Variants in SDCCAG8 observed in about 807,000 individuals in gnomAD.
SDCCAG8 encodes the protein SHH signaling and ciliogenesis regulator SDCCAG8.
In SDCCAG8, 74 loss-of-function variants were observed where a neutral mutation model predicts 101.8. The ratio of observed to expected loss-of-function variants is 0.73; its 90% CI spans 0.60 to 0.88. SDCCAG8 has a LOEUF of 0.88. Among genes scored for constraint, SDCCAG8 ranks in the 40% least tolerant of loss-of-function variants. The pLI is 0.00. For synonymous variants in SDCCAG8, 281 were observed against 292.9 expected, an observed-to-expected ratio of 0.96 and a Z score of 0.41; for missense variants, 787 against 822.6, an observed-to-expected ratio of 0.96 and a Z score of 0.53.
chr1:243,347,675 C>T (rs958195505), intron 12 of SDCCAG8, among the ~76,000 whole-genome samples: 1 of 152,178 alleles, frequency 6.6e-6, no homozygotes, highest in African/African-American at 2.4e-5. Flanking sequence ...GGAGCTTCCT[C>T]GCATCCGAAA....
chr1:243,380,676 A>G (rs2077886001), intron 13 of SDCCAG8, among the ~76,000 whole-genome samples: 1 of 152,064 alleles, frequency 6.6e-6, no homozygotes, highest in African/African-American at 2.4e-5. Flanking sequence ...TTGGTTCCAT[A>G]GAAAGCTTTT....
At position 243,415,724 on chromosome 1, in the gene SDCCAG8, C is replaced by T; in HGVS notation, c.1639C>T (p.Gln547Ter). 2 of 1,613,806 alleles carry T rather than the reference C, an allele frequency of 1.2e-6. No homozygotes were observed. Among genetic ancestry groups the T allele is most frequent in the Non-Finnish European group, 1.7e-6 (2 of 1,179,784 alleles). The change falls in exon 14 of 18, where the codon CAG becomes TAG. Residue 547 changes from glutamine (Q) to a stop codon, truncating the protein, a stop_gained. Coordinates refer to ENST00000366541, the MANE Select transcript of SDCCAG8 (RefSeq NM_006642.5). LOFTEE classifies it high-confidence loss of function. The part of the protein sequence containing the change: ...LTRQEKDSIQ[Q>*]SFSKEAKAQA... ...CAGACAGGAAAAAGATAGCATTCAG[C>T]AGAGCTTTAGCAAGGAAGCAAAGGC...
intron 17 of SDCCAG8, among the ~76,000 whole-genome samples, chr1:243,493,827 G>T (rs1394622911): frequency 2.0e-5 from 3 of 151,726 alleles, no homozygotes; most frequent in Non-Finnish European, 4.4e-5. Flanking sequence ...AACAAGCAGG[G>T]GACACAGAGA....
At chr1:243,380,682 CTT>C (rs918846129) in intron 13 of SDCCAG8, among the ~76,000 whole-genome samples, 2 of 142,982 alleles carry the variant, frequency 1.4e-5, no homozygotes, top group Non-Finnish European at 3.1e-5. Flanking sequence ...CCATAGAAAG[CTT>C]TTTTTTTTTG....
chr1:243,463,734 A>G (rs1432838282), intron 16 of SDCCAG8, among the ~76,000 whole-genome samples: 1 of 152,212 alleles, frequency 6.6e-6, no homozygotes, highest in East Asian at 1.9e-4. Context: ...ATCCACTGAC[A>G]TCTTCTCCCT....
At chr1:243,334,335 G>C (rs1196930562) in intron 10 of SDCCAG8, among the ~76,000 whole-genome samples, 1 of 152,096 alleles carries the variant, frequency 6.6e-6, no homozygotes, top group East Asian at 1.9e-4. Flanking sequence ...CTGCAACCTT[G>C]AATAAAATTT....
intron 16 of SDCCAG8, among the ~76,000 whole-genome samples, chr1:243,484,676 G>C (rs1050248695): frequency 3.9e-5 from 6 of 152,146 alleles, no homozygotes; most frequent in Non-Finnish European, 8.8e-5. Context: ...CTCCTCCATT[G>C]GCCGGGAACC....
At chr1:243,285,514 A>T (rs2069525662) in intron 4 of SDCCAG8, among the ~76,000 whole-genome samples, 1 of 152,220 alleles carries the variant, frequency 6.6e-6, no homozygotes, top group Non-Finnish European at 1.5e-5. Context: ...TTGGGTTTTT[A>T]AAAAATAATA....
chr1:243,276,238 GA>G (rs2068562897), intron 4 of SDCCAG8, among the ~76,000 whole-genome samples: 1 of 152,150 alleles, frequency 6.6e-6, no homozygotes, highest in African/African-American at 2.4e-5. Context: ...TGGCAACAGT[GA>G]AACACAGTAT....
intron 16 of SDCCAG8, among the ~76,000 whole-genome samples, chr1:243,456,493 T>C (rs1457956134): frequency 6.6e-6 from 1 of 152,204 alleles, no homozygotes; most frequent in Non-Finnish European, 1.5e-5. Flanking sequence ...CTGAATGTAA[T>C]AGTAAACCTG....
At chr1:243,443,914 A>G (rs1389563456) in intron 16 of SDCCAG8, among the ~76,000 whole-genome samples, 1 of 152,118 alleles carries the variant, frequency 6.6e-6, no homozygotes, top group East Asian at 1.9e-4. Context: ...TGTGTGGATA[A>G]CACATTAATT....
rs1663080020 is a variant in SDCCAG8, at chr1:243,479,571, A to C, written c.1986-9443A>C. ...AAAATCATTTTAAAATGTAAAAATC[A>C]CTCTCAATTGGCAGATCATACAGAA... On this transcript the variant is annotated intron_variant, in intron 16 of 17. Coordinates refer to ENST00000366541, the MANE Select transcript of SDCCAG8 (RefSeq NM_006642.5). 7.9e-5 allele frequency among the ~76,000 whole-genome samples: 12 copies of C among 152,180 alleles called. No individual in the cohort carries two copies. In the South Asian group the frequency reaches 2.5e-3, roughly 32 times the overall value.
intron 13 of SDCCAG8, among the ~76,000 whole-genome samples, chr1:243,397,157 A>G (rs1156229063): frequency 6.6e-6 from 1 of 152,226 alleles, no homozygotes. Context: ...AGGAAAAGGC[A>G]GAAAACATTG....
At chr1:243,498,403 C>T (rs1668573411) in intron 17 of SDCCAG8, among the ~76,000 whole-genome samples, 1 of 152,178 alleles carries the variant, frequency 6.6e-6, no homozygotes, top group South Asian at 2.1e-4. Context: ...AATTGTCCAC[C>T]TGGCTCCACG....
At chr1:243,344,134 A>AG (rs1459759019) in intron 11 of SDCCAG8, 81 bp from the exon 12 acceptor site, 1 of 1,086,580 alleles carries the variant, frequency 9.2e-7, no homozygotes, top group Non-Finnish European at 1.4e-6. Flanking sequence ...TATGACCTCT[A>AG]GGGGGCACCA....
chr1:243,417,263 C>T (rs2080656199), intron 14 of SDCCAG8, among the ~76,000 whole-genome samples: 1 of 152,086 alleles, frequency 6.6e-6, no homozygotes, highest in Middle Eastern at 3.2e-3. Context: ...TAGCATGATC[C>T]TAGTGATCAG....
chr1:243,459,992 A>T (rs1658744726), intron 16 of SDCCAG8, among the ~76,000 whole-genome samples: 1 of 152,184 alleles, frequency 6.6e-6, no homozygotes, highest in Admixed American at 6.5e-5. Flanking sequence ...TTGTACTACC[A>T]AATGTCACTG....
intron 16 of SDCCAG8, among the ~76,000 whole-genome samples, chr1:243,449,075 A>C (rs937286313): frequency 6.6e-6 from 1 of 152,238 alleles, no homozygotes; most frequent in Non-Finnish European, 1.5e-5. Flanking sequence ...TTATTGTATA[A>C]TGATGCACAT....
chr1:243,499,960 C>A lies in SDCCAG8; in HGVS notation c.*175C>A, dbSNP rs901905596. 5.5e-5 allele frequency: 37 copies of A among 668,036 alleles called. No homozygotes were observed. The highest frequency in any genetic ancestry group is 8.7e-5 in the Non-Finnish European group (32 of 368,176). The allele number at this position is 668,036 out of a possible 1,614,324, so 41.4% of individuals were successfully genotyped here. A position where few individuals can be genotyped will look rare whatever the true frequency, so the allele number is the denominator to read the frequency against. On this transcript the variant is annotated 3_prime_UTR_variant, in exon 18 of 18. Coordinates refer to ENST00000366541, the MANE Select transcript of SDCCAG8 (RefSeq NM_006642.5). Reference sequence around the variant, plus strand: ...GTCCCCGCACGCAGTCGGGCTGGAGCTGGAGTCTGACTCTAGCTGAGCAGA... The same window carrying A: ...GTCCCCGCACGCAGTCGGGCTGGAGATGGAGTCTGACTCTAGCTGAGCAGA...
Sources: gnomAD v4.1 joint callset for allele counts (sites outside exome capture counted in the v4.1 genomes callset) on GRCh38, gnomAD v4.1.1 for gene constraint, MANE v1.5 for transcripts, NCBI Gene and HGNC (gene_info 2026-07-23, HGNC 2026-07-21) for gene names.